Variants in ITGB1 observed in about 807,000 individuals in gnomAD.
ITGB1 encodes integrin subunit beta 1, also known as integrin beta-1.
Under a neutral mutation model 86.5 loss-of-function variants are expected in ITGB1, and 24 were observed. The ratio of observed to expected loss-of-function variants is 0.28; its 90% CI spans 0.20 to 0.39. ITGB1 has a LOEUF of 0.39. ITGB1 is among the 10% of genes least tolerant of loss of function. The pLI, the probability that ITGB1 is intolerant of heterozygous loss-of-function variation, is 1.00. For missense variants in ITGB1, 556 were observed against 946.9 expected (o/e 0.59, Z 5.42); for synonymous variants, 323 against 316.8 (o/e 1.02, Z -0.21).
chr10:32,929,888 CTGCTGTTCCTTTGCTACGGTTGGT>C lies in ITGB1; in HGVS notation c.286_309del (p.Thr96_Ala103del). The C allele has an allele frequency of 1.9e-6, 3 of 1,613,516 alleles. No homozygotes were observed. Among genetic ancestry groups the C allele is most frequent in the Non-Finnish European group, 2.5e-6 (3 of 1,179,442 alleles). ...GTAATATCCTCTGGCTTGAGCTTCT[CTGCTGTTCCTTTGCTACGGTTGGT>C]TACATTTTTATTTTTCTTTATATCT... On this transcript the variant is annotated inframe_deletion, in exon 4 of 16. Transcript: ENST00000302278.
At chr10:32,926,569 T>C (rs966671775) in intron 5 of ITGB1, among the ~76,000 whole-genome samples, 1 of 152,180 alleles carries the variant, frequency 6.6e-6, no homozygotes, top group African/African-American at 2.4e-5. Flanking sequence ...TCCCACCATG[T>C]GAGAAGCCTG....
chr10:32,955,683 T>C (rs750762816), intron 1 of ITGB1: 1 of 152,158 alleles, frequency 6.6e-6, no homozygotes, highest in Non-Finnish European at 1.5e-5. Flanking sequence ...TGACCAGATG[T>C]CCCCAGTGTC....
intron 11 of ITGB1, among the ~76,000 whole-genome samples, chr10:32,914,378 TAA>T (rs1345740836): frequency 9.2e-5 from 14 of 152,016 alleles, no homozygotes; most frequent in Admixed American, 3.9e-4. Flanking sequence ...GCAAATTGGA[TAA>T]AGAGTCAAGA....
chr10:32,919,678 T>A (rs1019106526), intron 11 of ITGB1, among the ~76,000 whole-genome samples: 1 of 152,066 alleles, frequency 6.6e-6, no homozygotes, highest in African/African-American at 2.4e-5. Context: ...TTTTAAAGAG[T>A]AATCACTTTA....
chr10:32,923,456 A>T (rs1314491466), intron 7 of ITGB1, 129 bp downstream of exon 7: 2 of 647,212 alleles, frequency 3.1e-6, no homozygotes, highest in Admixed American at 6.8e-5. Flanking sequence ...TTCAATCAGG[A>T]CCCCTACTTA....
intron 15 of ITGB1, among the ~76,000 whole-genome samples, chr10:32,906,092 T>A (rs1451599785): frequency 1.3e-5 from 2 of 152,090 alleles, no homozygotes; most frequent in Non-Finnish European, 2.9e-5. Context: ...TATACATACA[T>A]ATATATGGTC....
chr10:32,935,678 C>A, intron 1 of ITGB1, 120 bp from the exon 2 acceptor site: 5 of 702,258 alleles, frequency 7.1e-6, no homozygotes, highest in Non-Finnish European at 9.7e-6. Flanking sequence ...GCTCTCAAAC[C>A]ATTTCACTCC....
At chr10:32,956,849 G>T (rs2095053333) in intron 1 of ITGB1, among the ~76,000 whole-genome samples, 1 of 152,166 alleles carries the variant, frequency 6.6e-6, no homozygotes, top group Non-Finnish European at 1.5e-5. Context: ...GGCTGAAAAG[G>T]AGTCAATACT....
intron 11 of ITGB1, among the ~76,000 whole-genome samples, chr10:32,915,422 G>A (rs944239243): frequency 9.2e-5 from 14 of 152,052 alleles, no homozygotes; most frequent in Non-Finnish European, 1.9e-4. Flanking sequence ...CCGCTAGCAA[G>A]ACTAATAAAG....
chr10:32,916,447 T>A (rs1351650972), intron 11 of ITGB1, among the ~76,000 whole-genome samples: 1 of 152,190 alleles, frequency 6.6e-6, no homozygotes, highest in Non-Finnish European at 1.5e-5. Flanking sequence ...AACCCCATCG[T>A]CTCAGCCCAA....
chr10:32,908,468 C>T lies in ITGB1; in HGVS notation c.2231G>A (p.Gly744Asp). The T allele has an allele frequency of 5.6e-6, 9 of 1,611,964 alleles. No individual in the cohort carries two copies. The highest frequency in any genetic ancestry group is 7.6e-6 in the Non-Finnish European group (9 of 1,178,172). The change falls in exon 15 of 16, where the codon GGC becomes GAC. Residue 744 changes from glycine to aspartate, a missense_variant. By Grantham distance (94) the Gly-to-Asp change is moderately conservative. Transcript: ENST00000302278. ...CTTCCATATCAGCAGTAATGCAAGG[C>T]CAATAAGAACAATTCCAGCAACCAC... ...AGVVAGIVLIGLALLLIWKLL... is the reference protein window; with the variant it reads ...AGVVAGIVLIDLALLLIWKLL...
In ITGB1 at chr10:32,945,700, C is replaced by T. The variant is rs1045850547; in HGVS notation, c.1-10142G>A. On this transcript the variant is annotated intron_variant, in intron 1 of 15. Coordinates refer to ENST00000302278, the MANE Select transcript of ITGB1 (RefSeq NM_002211.4). ...GAAAGTATCTCATCAGAAATTTTTG[C>T]AGATTAATGCCACATTTCTAGCATT... Among the ~76,000 whole-genome samples, 18 of 151,966 alleles carry T rather than the reference C, an allele frequency of 1.2e-4. 1 individual carries two copies. The highest frequency in any genetic ancestry group is 2.1e-4 in the Non-Finnish European group (14 of 67,984).
chr10:32,942,119 A>G (rs2095019786), intron 1 of ITGB1, among the ~76,000 whole-genome samples: 1 of 152,216 alleles, frequency 6.6e-6, no homozygotes, highest in Non-Finnish European at 1.5e-5. Flanking sequence ...GTGAAGACAC[A>G]GGAAAAGAGA....
chr10:32,937,352 T>G (rs941002112), intron 1 of ITGB1, among the ~76,000 whole-genome samples: 8 of 152,002 alleles, frequency 5.3e-5, no homozygotes, highest in African/African-American at 1.7e-4. Flanking sequence ...GGTCAGGAGA[T>G]CGAGACCATC....
At chr10:32,939,679 A>G (rs1041122511) in intron 1 of ITGB1, among the ~76,000 whole-genome samples, 5 of 152,130 alleles carry the variant, frequency 3.3e-5, no homozygotes, top group Non-Finnish European at 5.9e-5. Flanking sequence ...TACCATGAAT[A>G]TAGCTTGCAG....
chr10:32,955,054 G>A (rs1311830307), intron 1 of ITGB1, among the ~76,000 whole-genome samples: 2 of 152,024 alleles, frequency 1.3e-5, no homozygotes, highest in Non-Finnish European at 2.9e-5. Context: ...TTTACGGACT[G>A]TACCCCCTTT....
In ITGB1 at chr10:32,940,122, G is replaced by T. The variant is rs143836848; in HGVS notation, c.1-4564C>A. ...GCGCTTTGGGAGGCCAAGATGGGCA[G>T]ATCACAAGGTCAAGTAATGGAGACC... is the stretch of plus-strand genomic sequence containing the variant. On this transcript the variant is annotated intron_variant, in intron 1 of 15. Coordinates refer to ENST00000302278, the MANE Select transcript of ITGB1 (RefSeq NM_002211.4). Among the ~76,000 whole-genome samples the T allele has an allele frequency of 6.6e-3, 1,003 of 152,218 alleles. 10 individuals are homozygous for T. Among genetic ancestry groups the T allele is most frequent in the African/African-American group, 0.023 (954 of 41,524 alleles).
chr10:32,937,634 C>A, intron 1 of ITGB1, among the ~76,000 whole-genome samples: 1 of 148,666 alleles, frequency 6.7e-6, no homozygotes, highest in East Asian at 2.0e-4. Flanking sequence ...GTGACTTTCT[C>A]AAGGCAAAAG....
At chr10:32,948,552 G>A (rs578247296) in intron 1 of ITGB1, among the ~76,000 whole-genome samples, 1 of 152,260 alleles carries the variant, frequency 6.6e-6, no homozygotes, top group East Asian at 1.9e-4. Flanking sequence ...AATCCCCAAA[G>A]CAACAGTGAT....
Sources: allele counts gnomAD v4.1 joint callset (sites outside exome capture counted in the v4.1 genomes callset), GRCh38; gene constraint gnomAD v4.1.1; transcripts MANE v1.5; gene names NCBI Gene and HGNC (gene_info 2026-07-23, HGNC 2026-07-21).